The following STX12 variants were observed in gnomAD, a reference collection of about 807,000 sequenced individuals.
STX12 encodes the protein syntaxin 12, also known as syntaxin-12.
Under a neutral mutation model 42.2 loss-of-function variants are expected in STX12, and 17 were observed. That is an observed-to-expected ratio of 0.40 (90% confidence interval 0.28 to 0.60). The LOEUF is 0.60. STX12 is among the 20% of genes least tolerant of loss of function. STX12 has a pLI of 0.39. For missense variants in STX12, 297 were observed against 330.9 expected (o/e 0.90, Z 0.79); for synonymous variants, 108 against 116.7 (o/e 0.93, Z 0.48).
In STX12 at chr1:27,823,523, G is replaced by A. The variant is rs751267476; in HGVS notation, c.*1194G>A. The A allele has an allele frequency of 5.9e-5, 9 of 152,600 alleles. No homozygotes were observed. The highest frequency in any genetic ancestry group is 1.2e-4 in the Non-Finnish European group (8 of 68,034). The allele number at this position is 152,600 out of a possible 1,614,324, so 9.5% of individuals were successfully genotyped here. A position where few individuals can be genotyped will look rare whatever the true frequency, so the allele number is the denominator to read the frequency against. On this transcript the variant is annotated 3_prime_UTR_variant, in exon 9 of 9. Transcript: ENST00000373943. ...TCCACAGGCCTAGAACAGTTAAAGG[G>A]AACATAATTTGTTTAGGCTCCCACA... is the stretch of plus-strand genomic sequence containing the variant.
intron 3 of STX12, among the ~76,000 whole-genome samples, chr1:27,798,995 A>G (rs2088808889): frequency 6.6e-6 from 1 of 151,988 alleles, no homozygotes; most frequent in African/African-American, 2.4e-5. Flanking sequence ...AGAGTATGGT[A>G]ACATGGAAAA....
chr1:27,810,604 A>G (rs1330455736), intron 5 of STX12, among the ~76,000 whole-genome samples: 1 of 152,214 alleles, frequency 6.6e-6, no homozygotes. Flanking sequence ...AGTCTAAGTC[A>G]TCTTACCTCT....
chr1:27,781,946 C>A (rs1420375251), intron 1 of STX12, among the ~76,000 whole-genome samples: 1 of 152,064 alleles, frequency 6.6e-6, no homozygotes, highest in Non-Finnish European at 1.5e-5. Context: ...AGCTTCGTAT[C>A]ATCTCATTTC....
intron 1 of STX12, among the ~76,000 whole-genome samples, 162 bp from the exon 2 acceptor site, chr1:27,789,400 G>A (rs2088722372): frequency 6.6e-6 from 1 of 152,134 alleles, no homozygotes; most frequent in Admixed American, 6.5e-5. Flanking sequence ...ATTAGTTTTT[G>A]GAGGAATGTG....
At chr1:27,777,850 G>A (rs1048067498) in intron 1 of STX12, among the ~76,000 whole-genome samples, 4 of 151,990 alleles carry the variant, frequency 2.6e-5, no homozygotes, top group African/African-American at 9.7e-5. Flanking sequence ...TTGCGCCACT[G>A]CACTCTGGCC....
chr1:27,817,611 G>T (rs1311870206), intron 6 of STX12, among the ~76,000 whole-genome samples: 1 of 152,174 alleles, frequency 6.6e-6, no homozygotes. Flanking sequence ...TTGGACTTGG[G>T]CGCTCTTACT....
rs1337122515 is a variant in STX12 at position 27,824,058 on chromosome 1, A to G, written c.*1729A>G. The G allele has an allele frequency of 6.6e-6, 1 of 151,614 alleles. No individual in the cohort carries two copies. Among genetic ancestry groups the G allele is most frequent in the Non-Finnish European group, 1.5e-5 (1 of 67,930 alleles). 9.4% of individuals were successfully genotyped at this position (151,614 alleles called of 1,614,324 possible). ...AGCCTGGGCAGTATAGCAAGACCCC[A>G]TCTCCATTTTTTTTTTAATGATTTT... On this transcript the variant is annotated 3_prime_UTR_variant, in exon 9 of 9. Transcript: ENST00000373943.
chr1:27,793,265 T>C (rs2088761323), intron 2 of STX12, among the ~76,000 whole-genome samples: 1 of 152,242 alleles, frequency 6.6e-6, no homozygotes, highest in African/African-American at 2.4e-5. Context: ...TATGCTTTTC[T>C]TCTCTTCCCA....
intron 3 of STX12, 72 bp from the exon 4 acceptor site, chr1:27,801,600 ATTTTAC>A (rs1178309981): frequency 1.4e-6 from 2 of 1,395,834 alleles, no homozygotes; most frequent in Admixed American, 3.0e-5. Flanking sequence ...AAGGGGTATA[ATTTTAC>A]TTTTAAGGGA....
At chr1:27,793,753 C>T in intron 3 of STX12, 121 bp downstream of exon 3, 1 of 672,588 alleles carries the variant, frequency 1.5e-6, no homozygotes, top group East Asian at 2.7e-5. Flanking sequence ...CTCCTCTGCA[C>T]CTCAGTTTCT....
chr1:27,778,949 G>A (rs538294281), intron 1 of STX12, among the ~76,000 whole-genome samples: 11 of 152,224 alleles, frequency 7.2e-5, no homozygotes, highest in African/African-American at 2.6e-4. Flanking sequence ...TTTAGAGACG[G>A]GGGTCTCGCT....
chr1:27,793,441 C>T (rs2088763046), intron 2 of STX12, 92 bp from the exon 3 acceptor site: 1 of 1,056,856 alleles, frequency 9.5e-7, no homozygotes, highest in African/African-American at 1.6e-5. Context: ...CCTTCATTCC[C>T]TACGTTATGA....
At chr1:27,775,438 A>C (rs1422967473) in intron 1 of STX12, among the ~76,000 whole-genome samples, 1 of 152,082 alleles carries the variant, frequency 6.6e-6, no homozygotes, top group African/African-American at 2.4e-5. Flanking sequence ...CGCCCGGCTA[A>C]TTTTTATATT....
At chr1:27,774,878 TGCCCAG>T (rs1451182612) in intron 1 of STX12, among the ~76,000 whole-genome samples, 8 of 152,188 alleles carry the variant, frequency 5.3e-5, no homozygotes, top group South Asian at 2.1e-4. Flanking sequence ...CTCACTATGT[TGCCCAG>T]GCTCACTTTG....
At chr1:27,809,494 TC>T (rs1325807126) in intron 4 of STX12, among the ~76,000 whole-genome samples, 1 of 143,758 alleles carries the variant, frequency 7.0e-6, no homozygotes, top group African/African-American at 2.7e-5. Context: ...GGAGTCTTGC[TC>T]TGTTGTCCAG....
At chr1:27,775,648 C>T (rs1487219595) in intron 1 of STX12, among the ~76,000 whole-genome samples, 1 of 152,140 alleles carries the variant, frequency 6.6e-6, no homozygotes, top group African/African-American at 2.4e-5. Flanking sequence ...CTGCAGAGTT[C>T]ATAACCAAAA....
At chr1:27,818,504 T>G (rs900932226) in intron 7 of STX12, among the ~76,000 whole-genome samples, 2 of 152,216 alleles carry the variant, frequency 1.3e-5, no homozygotes, top group African/African-American at 4.8e-5. Flanking sequence ...TTATCAAATG[T>G]AGAAGTTAAA....
intron 1 of STX12, chr1:27,773,992 T>A (rs2088612908): frequency 6.6e-6 from 1 of 152,270 alleles, no homozygotes; most frequent in Non-Finnish European, 1.5e-5. Context: ...ATGACTGGTA[T>A]TTGAAAGGTG....
At chr1:27,806,192 T>C (rs2088861630) in intron 4 of STX12, among the ~76,000 whole-genome samples, 1 of 152,230 alleles carries the variant, frequency 6.6e-6, no homozygotes, top group South Asian at 2.1e-4. Context: ...TTATTTTTAC[T>C]TGAAAGCTAC....
Sources: allele counts gnomAD v4.1 joint callset (sites outside exome capture counted in the v4.1 genomes callset), GRCh38; gene constraint gnomAD v4.1.1; transcripts MANE v1.5; gene names NCBI Gene and HGNC (gene_info 2026-07-23, HGNC 2026-07-21).